PPP2R2B: variants seen among roughly 807,000 people sequenced by gnomAD.
PPP2R2B encodes the protein protein phosphatase 2 regulatory subunit Bbeta, also known as serine/threonine-protein phosphatase 2A 55 kDa regulatory subunit B beta isoform.
A neutral mutation model predicts 46.0 loss-of-function variants in PPP2R2B; 5 were observed. The ratio of observed to expected loss-of-function variants is 0.11; its 90% CI spans 0.06 to 0.23. The LOEUF (loss-of-function observed/expected upper bound fraction) is 0.23. Among genes scored for constraint, PPP2R2B ranks in the 10% least tolerant of loss-of-function variants. The pLI, the probability that PPP2R2B is intolerant of heterozygous loss-of-function variation, is 1.00. For missense variants in PPP2R2B, 367 were observed against 575.0 expected, an observed-to-expected ratio of 0.64 and a Z score of 3.70; for synonymous variants, 215 against 206.7, an observed-to-expected ratio of 1.04 and a Z score of -0.34.
chr5:146,665,110 G>A (rs888440772), intron 5 of PPP2R2B, among the ~76,000 whole-genome samples: 1 of 152,168 alleles, frequency 6.6e-6, no homozygotes, highest in African/African-American at 2.4e-5. Context: ...GTGAACATTA[G>A]CTTCAACTTA....
chr5:147,070,626 C>T (rs1757558724), intron 2 of PPP2R2B, among the ~76,000 whole-genome samples: 2 of 152,162 alleles, frequency 1.3e-5, no homozygotes, highest in Non-Finnish European at 2.9e-5. Context: ...TTTGCCTGAG[C>T]CAAATGTTTT....
chr5:146,937,273 C>A (rs576240331), intron 1 of PPP2R2B, among the ~76,000 whole-genome samples: 124 of 151,580 alleles, frequency 8.2e-4, no homozygotes, highest in Non-Finnish European at 1.6e-3. Context: ...TGCACTCCAG[C>A]CTGGGTGACA....
chr5:146,982,750 CT>C (rs1318194960), intron 1 of PPP2R2B, among the ~76,000 whole-genome samples: 1 of 152,022 alleles, frequency 6.6e-6, no homozygotes, highest in Admixed American at 6.6e-5. Context: ...TTGTTATGTC[CT>C]TTTGGTGTGT....
At chr5:146,905,521 T>C (rs2151801287) in intron 1 of PPP2R2B, among the ~76,000 whole-genome samples, 1 of 152,270 alleles carries the variant, frequency 6.6e-6, no homozygotes, top group African/African-American at 2.4e-5. Flanking sequence ...TCCCAAAATG[T>C]TGGGATTAAA....
chr5:146,778,395 TA>T (rs1410810042), intron 2 of PPP2R2B, among the ~76,000 whole-genome samples: 2 of 152,204 alleles, frequency 1.3e-5, no homozygotes, highest in East Asian at 3.9e-4. Context: ...GGATATGACA[TA>T]AGTAGCAAGG....
At chr5:146,746,223 G>A (rs951481214) in intron 2 of PPP2R2B, among the ~76,000 whole-genome samples, 1 of 152,288 alleles carries the variant, frequency 6.6e-6, no homozygotes, top group Middle Eastern at 3.4e-3. Flanking sequence ...CTTTGAAAGG[G>A]AAATTAACTG....
chr5:147,019,444 T>G (rs551741572), intron 1 of PPP2R2B, among the ~76,000 whole-genome samples: 12 of 152,188 alleles, frequency 7.9e-5, no homozygotes, highest in African/African-American at 2.7e-4. Flanking sequence ...GTGGAATGTA[T>G]GTATACAATA....
intron 1 of PPP2R2B, chr5:147,040,811 A>G: frequency 2.3e-6 from 1 of 430,220 alleles, no homozygotes; most frequent in South Asian, 1.7e-5. Flanking sequence ...GTTTCCTTAA[A>G]AAAAAAAAAA....
At chr5:146,884,583 GT>G (rs1762265472) in intron 1 of PPP2R2B, among the ~76,000 whole-genome samples, 1 of 152,144 alleles carries the variant, frequency 6.6e-6, no homozygotes. Flanking sequence ...ACTGACAGCT[GT>G]TTTACTTGTC....
chr5:146,625,429 T>A (rs1418963882), intron 7 of PPP2R2B, among the ~76,000 whole-genome samples: 1 of 152,206 alleles, frequency 6.6e-6, no homozygotes, highest in Non-Finnish European at 1.5e-5. Context: ...TGCAAATTTA[T>A]CAGATTGAAT....
intron 1 of PPP2R2B, among the ~76,000 whole-genome samples, chr5:146,993,123 A>G (rs760199896): frequency 5.9e-5 from 9 of 151,954 alleles, no homozygotes; most frequent in Non-Finnish European, 1.3e-4. Context: ...TTGCATTTTT[A>G]GTAGAGACAG....
At chr5:146,731,417 T>C (rs1752222408) in intron 2 of PPP2R2B, among the ~76,000 whole-genome samples, 1 of 152,230 alleles carries the variant, frequency 6.6e-6, no homozygotes, top group South Asian at 2.1e-4. Context: ...AAAATTATTT[T>C]GCAAGAGACC....
chr5:146,931,270 A>T (rs895593409), intron 1 of PPP2R2B, among the ~76,000 whole-genome samples: 3 of 152,172 alleles, frequency 2.0e-5, no homozygotes, highest in Non-Finnish European at 4.4e-5. Flanking sequence ...TTCTGAGTGC[A>T]GATCCAATCT....
chr5:146,811,044 C>T (rs796567057), intron 2 of PPP2R2B, among the ~76,000 whole-genome samples: 4 of 152,280 alleles, frequency 2.6e-5, no homozygotes, highest in African/African-American at 9.6e-5. Flanking sequence ...CCTGTCGCCA[C>T]CCAGGCTGGA....
chr5:146,807,776 C>CTTTTTTTTTTTTTTTTTTTTTTTTTTTTT (rs10583721), intron 2 of PPP2R2B, among the ~76,000 whole-genome samples: 2 of 36,902 alleles, frequency 5.4e-5, no homozygotes, highest in Non-Finnish European at 1.1e-4. Context: ...GGGGTGCCTT[C>CTTTTTTTTTTTTTTTTTTTTTTTTTTTTT]TTTTTTTTTT....
chr5:146,812,767 T>TAATGTGTG (rs1362753489), intron 2 of PPP2R2B, among the ~76,000 whole-genome samples: 1 of 40,550 alleles, frequency 2.5e-5, no homozygotes, highest in Non-Finnish European at 5.5e-5. Context: ...TAGAGTTACT[T>TAATGTGTG]AATGTGTGTG....
At chr5:146,902,282 G>A (rs1216007787) in intron 1 of PPP2R2B, among the ~76,000 whole-genome samples, 1 of 151,912 alleles carries the variant, frequency 6.6e-6, no homozygotes, top group Admixed American at 6.6e-5. Flanking sequence ...GCAAAATATT[G>A]TCATCTCAGC....
chr5:146,974,888 A>G (rs937812618), intron 1 of PPP2R2B, among the ~76,000 whole-genome samples: 1 of 151,872 alleles, frequency 6.6e-6, no homozygotes, highest in Non-Finnish European at 1.5e-5. Context: ...ACGGGGTTTC[A>G]CCATGTTAGC....
chr5:146,786,631 A>G (rs1378352433), intron 2 of PPP2R2B, among the ~76,000 whole-genome samples: 1 of 152,164 alleles, frequency 6.6e-6, no homozygotes, highest in East Asian at 1.9e-4. Context: ...TTTGTGTATA[A>G]ACCCTTTTAG....
Sources: gnomAD v4.1 joint callset for allele counts (sites outside exome capture counted in the v4.1 genomes callset) on GRCh38, gnomAD v4.1.1 for gene constraint, MANE v1.5 for transcripts, NCBI Gene and HGNC (gene_info 2026-07-23, HGNC 2026-07-21) for gene names.